Variants in ATXN1 observed in about 807,000 individuals in gnomAD.
ATXN1 encodes the protein ataxin-1.
Under a neutral mutation model 56.4 loss-of-function variants are expected in ATXN1, and 8 were observed. The ratio of observed to expected loss-of-function variants is 0.14; its 90% CI spans 0.08 to 0.26. The LOEUF is 0.26. Ranked by LOEUF, ATXN1 falls within the 10% of genes least tolerant of loss-of-function variation. The pLI is 1.00. For synonymous variants in ATXN1, 514 were observed against 494.6 expected (o/e 1.04, Z -0.52); for missense variants, 987 against 1,106.5 (o/e 0.89, Z 1.53).
chr6:16,506,994 T>C lies in ATXN1; in HGVS notation c.-299+15633A>G, dbSNP rs1443669587. 6.6e-6 allele frequency among the ~76,000 whole-genome samples: 1 copy of C among 152,132 alleles called. No individual in the cohort carries two copies. Among genetic ancestry groups the C allele is most frequent in the Non-Finnish European group, 1.5e-5 (1 of 68,012 alleles). ...TGGCCGGTGACCAAAATACATATACTCCTCCGTGTTATATATTAAGGCTGC... is the reference window on the plus strand; with the variant it reads ...TGGCCGGTGACCAAAATACATATACCCCTCCGTGTTATATATTAAGGCTGC... On this transcript the variant is annotated intron_variant, in intron 5 of 7. Transcript: ENST00000436367. The surrounding 1 kb of genome is among the most constrained non-coding windows in gnomAD (Gnocchi z 4.1).
intron 4 of ATXN1, among the ~76,000 whole-genome samples, chr6:16,562,946 G>C (rs991499361): frequency 5.9e-5 from 9 of 151,668 alleles, no homozygotes; most frequent in African/African-American, 2.2e-4. Flanking sequence ...AGATAACCTA[G>C]GTGACAAAGC....
chr6:16,308,757 TGAG>T (rs754898217), intron 7 of ATXN1, among the ~76,000 whole-genome samples: 2 of 152,120 alleles, frequency 1.3e-5, no homozygotes, highest in Non-Finnish European at 1.5e-5. Context: ...GTGGTGGTCA[TGAG>T]GAGACCAGAT....
chr6:16,444,095 G>A (rs1002923864), intron 6 of ATXN1, among the ~76,000 whole-genome samples: 17 of 144,368 alleles, frequency 1.2e-4, no homozygotes, highest in African/African-American at 2.4e-4. Flanking sequence ...CAGCCTGGGC[G>A]ACAGAGCGAG....
chr6:16,442,256 T>C (rs1385242942), intron 6 of ATXN1, among the ~76,000 whole-genome samples: 1 of 152,118 alleles, frequency 6.6e-6, no homozygotes, highest in Non-Finnish European at 1.5e-5. Flanking sequence ...CTGTTATGAA[T>C]ATGCAAGGAC....
chr6:16,353,493 C>A (rs1035273199), intron 6 of ATXN1, among the ~76,000 whole-genome samples: 1 of 151,862 alleles, frequency 6.6e-6, no homozygotes, highest in Non-Finnish European at 1.5e-5. Context: ...GCCAACATGC[C>A]AAAACCCCCG....
chr6:16,390,797 T>A (rs1230847378), intron 6 of ATXN1, among the ~76,000 whole-genome samples: 3 of 151,942 alleles, frequency 2.0e-5, no homozygotes, highest in Admixed American at 1.3e-4. Flanking sequence ...TCCTCTCCAC[T>A]GCAGCATCTC....
intron 2 of ATXN1, among the ~76,000 whole-genome samples, chr6:16,683,581 A>G (rs768333054): frequency 6.6e-6 from 1 of 152,142 alleles, no homozygotes; most frequent in Non-Finnish European, 1.5e-5. Flanking sequence ...CATTGAAGGG[A>G]TTTTTGGGCT....
chr6:16,596,040 C>T (rs907258586), intron 3 of ATXN1, among the ~76,000 whole-genome samples: 3 of 152,172 alleles, frequency 2.0e-5, no homozygotes, highest in Non-Finnish European at 4.4e-5. Context: ...AGCTCTGTCA[C>T]CCAGGCTGTG....
At chr6:16,688,919 T>C (rs913571921) in intron 2 of ATXN1, among the ~76,000 whole-genome samples, 1 of 152,148 alleles carries the variant, frequency 6.6e-6, no homozygotes, top group Non-Finnish European at 1.5e-5. Flanking sequence ...GGAAATAGAC[T>C]TGGAGATGCA....
intron 6 of ATXN1, among the ~76,000 whole-genome samples, chr6:16,336,471 C>T (rs1275215534): frequency 1.3e-5 from 2 of 152,106 alleles, no homozygotes; most frequent in African/African-American, 4.8e-5. Context: ...GTTTGTATTT[C>T]CCAGGCAAGC....
chr6:16,748,393 C>A (rs752048352), intron 2 of ATXN1, among the ~76,000 whole-genome samples: 1 of 152,226 alleles, frequency 6.6e-6, no homozygotes, highest in Middle Eastern at 3.4e-3. Flanking sequence ...CTTATGCACT[C>A]GACTGTAAGC....
intron 5 of ATXN1, among the ~76,000 whole-genome samples, chr6:16,501,230 AG>A (rs1760879949): frequency 6.6e-6 from 1 of 152,244 alleles, no homozygotes; most frequent in South Asian, 2.1e-4. Context: ...CCTTAAAACA[AG>A]GAAAGGAGGG....
intron 6 of ATXN1, among the ~76,000 whole-genome samples, chr6:16,360,527 T>C (rs1408277607): frequency 6.6e-6 from 1 of 152,208 alleles, no homozygotes; most frequent in Admixed American, 6.5e-5. Context: ...AATAAACATA[T>C]GGGCTCTGAG....
chr6:16,612,059 C>G (rs1383584225), intron 3 of ATXN1, among the ~76,000 whole-genome samples: 1 of 151,740 alleles, frequency 6.6e-6, no homozygotes, highest in Admixed American at 6.6e-5. Context: ...CGGGGTTTCA[C>G]CATGTTAGTC....
At chr6:16,367,976 T>C (rs2113485907) in intron 6 of ATXN1, among the ~76,000 whole-genome samples, 1 of 152,160 alleles carries the variant, frequency 6.6e-6, no homozygotes, top group Non-Finnish European at 1.5e-5. Context: ...GAGACCAGCT[T>C]GGCCAACATG....
intron 3 of ATXN1, among the ~76,000 whole-genome samples, chr6:16,591,763 C>G (rs1427732173): frequency 6.6e-6 from 1 of 152,052 alleles, no homozygotes; most frequent in Non-Finnish European, 1.5e-5. Context: ...TCAGTAAACA[C>G]TGGTTTGATG....
intron 6 of ATXN1, among the ~76,000 whole-genome samples, chr6:16,480,125 C>A (rs1475605541): frequency 8.1e-6 from 1 of 123,712 alleles, no homozygotes; most frequent in African/African-American, 3.2e-5. Context: ...GCCCTCCAGC[C>A]TGGGCAACAC....
At chr6:16,729,288 T>TC (rs1353322970) in intron 2 of ATXN1, among the ~76,000 whole-genome samples, 1 of 152,214 alleles carries the variant, frequency 6.6e-6, no homozygotes, top group African/African-American at 2.4e-5. Flanking sequence ...AAAGGAGCTT[T>TC]CCTGTGGGGT....
intron 3 of ATXN1, among the ~76,000 whole-genome samples, chr6:16,642,381 C>G (rs946097670): frequency 6.6e-6 from 1 of 152,066 alleles, no homozygotes; most frequent in African/African-American, 2.4e-5. Flanking sequence ...GGTGACAGAA[C>G]GAGACTCCGT....
Sources: gnomAD v4.1 joint callset for allele counts (sites outside exome capture counted in the v4.1 genomes callset) on GRCh38, gnomAD v4.1.1 for gene constraint, Gnocchi (gnomAD v3.1) non-coding constraint, MANE v1.5 for transcripts, NCBI Gene and HGNC (gene_info 2026-07-23, HGNC 2026-07-21) for gene names.